ZNF469: variants seen among roughly 807,000 people sequenced by gnomAD.
The protein encoded by ZNF469 is zinc finger protein 469.
ZNF469 carries 1 observed loss-of-function variant against 1.0 expected under a neutral mutation model. The ratio of observed to expected loss-of-function variants is 1.00; its 90% confidence interval spans 0.35 to 4.73. The LOEUF (loss-of-function observed/expected upper bound fraction) is 4.73, where lower values mean the gene tolerates loss of function less well. Ranked by LOEUF, ZNF469 falls within the 30% of genes most tolerant of loss-of-function variation. The probability of loss-of-function intolerance (pLI) is 0.16; values close to 1 mark genes in which losing one functional copy is unlikely to be tolerated. For missense variants in ZNF469, 6,100 were observed against 5,356.3 expected (o/e 1.14, Z -4.33); for synonymous variants, 2,703 against 2,363.4 (o/e 1.14, Z -4.17).
chr16:88,364,515 A>G, the ZNF469 span, among the ~76,000 whole-genome samples: 1 of 142,716 alleles, frequency 7.0e-6, no homozygotes, highest in African/African-American at 2.7e-5. Context: ...AAAAAAAAAA[A>G]GCTGCTGGGA....
At chr16:88,362,667 C>A in the ZNF469 span, among the ~76,000 whole-genome samples, 1 of 152,108 alleles carries the variant, frequency 6.6e-6, no homozygotes, top group Non-Finnish European at 1.5e-5. Context: ...CTTTGGTTTT[C>A]AGAAGTTTGA....
At chr16:88,414,827 G>C (rs1030559848) in intron 1 of ZNF469, among the ~76,000 whole-genome samples, 2 of 152,242 alleles carry the variant, frequency 1.3e-5, no homozygotes, top group African/African-American at 4.8e-5. Flanking sequence ...CCGCCCAGAC[G>C]TCCACTGCCA....
the ZNF469 span, among the ~76,000 whole-genome samples, chr16:88,341,204 G>A: frequency 2.6e-5 from 4 of 152,188 alleles, no homozygotes; most frequent in Non-Finnish European, 4.4e-5. Context: ...TCACAGGCTG[G>A]ACAACACCAG....
At chr16:88,142,083 C>A in the ZNF469 span, among the ~76,000 whole-genome samples, 1 of 152,216 alleles carries the variant, frequency 6.6e-6, no homozygotes, top group Admixed American at 6.5e-5. Flanking sequence ...TAGTCCACAG[C>A]GGCCAGGATC....
intron 1 of ZNF469, among the ~76,000 whole-genome samples, chr16:88,412,685 C>T (rs1421856389): frequency 6.6e-6 from 1 of 152,184 alleles, no homozygotes. Flanking sequence ...GGTCAATATA[C>T]CCGAAAGAGC....
intron 1 of ZNF469, among the ~76,000 whole-genome samples, chr16:88,397,975 A>G (rs1214490217): frequency 3.3e-5 from 5 of 152,164 alleles, no homozygotes; most frequent in Non-Finnish European, 5.9e-5. Context: ...CCCTGCCCAG[A>G]GCCGGGCACA....
At chr16:88,278,033 C>T in the ZNF469 span, among the ~76,000 whole-genome samples, 8 of 35,770 alleles carry the variant, frequency 2.2e-4, no homozygotes, top group African/African-American at 5.2e-4. Context: ...GCCACGCCGA[C>T]GCTCGGTCAG....
the ZNF469 span, among the ~76,000 whole-genome samples, chr16:88,170,024 C>G: frequency 2.6e-4 from 40 of 152,192 alleles, no homozygotes; most frequent in Admixed American, 2.0e-3. This position sits in a 1 kb window ranked among gnomAD's most constrained non-coding sequence, Gnocchi z 4.2. Context: ...GCAGAGAGCA[C>G]AGGCTGGAGG....
At chr16:88,103,654 T>C in the ZNF469 span, among the ~76,000 whole-genome samples, 540 of 151,952 alleles carry the variant, frequency 3.6e-3, 3 homozygotes, top group African/African-American at 0.012. Context: ...AGCCCTGGGA[T>C]GCCGAGGCTG....
At chr16:88,105,512 C>A in the ZNF469 span, among the ~76,000 whole-genome samples, 2 of 152,094 alleles carry the variant, frequency 1.3e-5, no homozygotes, top group Non-Finnish European at 2.9e-5. Flanking sequence ...ACTGTGTTGG[C>A]CAGGCTGGTC....
intron 1 of ZNF469, among the ~76,000 whole-genome samples, chr16:88,410,503 G>A (rs1370697935): frequency 6.8e-6 from 1 of 147,276 alleles, no homozygotes. Context: ...CGTTGATGGT[G>A]CAGGTCACGT....
intron 1 of ZNF469, among the ~76,000 whole-genome samples, chr16:88,417,158 C>T (rs1363937608): frequency 6.6e-6 from 1 of 151,466 alleles, no homozygotes; most frequent in Non-Finnish European, 1.5e-5. Flanking sequence ...AAGGCCCCCA[C>T]CCACCCTGCC....
chr16:88,303,712 C>T, the ZNF469 span, among the ~76,000 whole-genome samples: 4 of 152,322 alleles, frequency 2.6e-5, no homozygotes, highest in Admixed American at 2.6e-4. Flanking sequence ...CTCTTACAGG[C>T]AGGCCCAGCA....
At chr16:88,151,665 C>T in the ZNF469 span, among the ~76,000 whole-genome samples, 1 of 152,160 alleles carries the variant, frequency 6.6e-6, no homozygotes, top group African/African-American at 2.4e-5. The surrounding 1 kb of genome is among the most constrained non-coding windows in gnomAD (Gnocchi z 5.4). Context: ...CTTTTAAAAC[C>T]AAACAATACT....
At chr16:88,307,966 C>T in the ZNF469 span, among the ~76,000 whole-genome samples, 84 of 152,312 alleles carry the variant, frequency 5.5e-4, no homozygotes, top group African/African-American at 2.0e-3. Context: ...GTTATGGTTT[C>T]GGCTCTCACA....
At chr16:88,277,405 C>T in the ZNF469 span, among the ~76,000 whole-genome samples, 6 of 145,898 alleles carry the variant, frequency 4.1e-5, no homozygotes, top group South Asian at 2.2e-4. Flanking sequence ...CGGTCAGTAC[C>T]ATGTAGATAT....
chr16:88,196,491 C>A, the ZNF469 span, among the ~76,000 whole-genome samples: 1 of 152,212 alleles, frequency 6.6e-6, no homozygotes. Context: ...AACTCTGCAA[C>A]CTTGTCCCTT....
chr16:88,380,155 G>A (rs1409218182), upstream of ZNF469, among the ~76,000 whole-genome samples: 1 of 122,888 alleles, frequency 8.1e-6, no homozygotes, highest in Non-Finnish European at 1.7e-5. Context: ...ACACACAAAT[G>A]CACTCACAGA....
the ZNF469 span, among the ~76,000 whole-genome samples, chr16:88,279,367 C>T: frequency 0.41 from 61,757 of 149,758 alleles, 13,657 homozygotes; most frequent in African/African-American, 0.58. Context: ...GCCATGCTGA[C>T]GCTCAGTCAG....
Sources: gnomAD v4.1 joint callset for allele counts (sites outside exome capture counted in the v4.1 genomes callset) on GRCh38, gnomAD v4.1.1 for gene constraint, Gnocchi (gnomAD v3.1) non-coding constraint, MANE v1.5 for transcripts, NCBI Gene and HGNC (gene_info 2026-07-23, HGNC 2026-07-21) for gene names.